Variants in TNFSF10 observed in about 807,000 individuals in gnomAD.
The protein encoded by TNFSF10 is tumor necrosis factor ligand superfamily member 10.
In TNFSF10, 13 loss-of-function variants were observed where a neutral mutation model predicts 29.5. The observed-to-expected ratio is 0.44, with a 90% CI of 0.29 to 0.70. The LOEUF is 0.70. TNFSF10 is among the 30% of genes least tolerant of loss of function. The probability of loss-of-function intolerance (pLI) is 0.13; values close to 1 mark genes in which losing one functional copy is unlikely to be tolerated. For synonymous variants in TNFSF10, 111 were observed against 112.8 expected (o/e 0.98, Z 0.10); for missense variants, 345 against 330.9 (o/e 1.04, Z -0.33).
chr3:172,511,409 ACCATAGATGGG>A (rs1713218773), intron 3 of TNFSF10, 197 bp downstream of exon 3: 2 of 437,698 alleles, frequency 4.6e-6, no homozygotes, highest in Admixed American at 8.4e-5. Flanking sequence ...TAAAGTTCTG[ACCATAGATGGG>A]CCACAGATTT....
chr3:172,521,565 G>A (rs1713699174), intron 1 of TNFSF10, among the ~76,000 whole-genome samples: 1 of 152,206 alleles, frequency 6.6e-6, no homozygotes, highest in African/African-American at 2.4e-5. Flanking sequence ...ATGCTGGAAG[G>A]ATGTGGAGAA....
chr3:172,515,578 C>T (rs978777297), intron 1 of TNFSF10, among the ~76,000 whole-genome samples: 5 of 152,052 alleles, frequency 3.3e-5, no homozygotes, highest in Admixed American at 6.6e-5. Context: ...ACCATGTTGC[C>T]ACTAGAAATC....
At chr3:172,520,544 G>A (rs910659543) in intron 1 of TNFSF10, among the ~76,000 whole-genome samples, 1 of 152,162 alleles carries the variant, frequency 6.6e-6, no homozygotes, top group Non-Finnish European at 1.5e-5. Context: ...AGTGACTTAG[G>A]GCCTGGCTTT....
intron 3 of TNFSF10, 59 bp downstream of exon 3, chr3:172,511,558 T>G: frequency 7.1e-7 from 1 of 1,413,520 alleles, no homozygotes; most frequent in Admixed American, 1.9e-5. Context: ...GGAGAACTAT[T>G]CACAACCTGT....
chr3:172,515,214 C>T (rs1332305862), intron 1 of TNFSF10, among the ~76,000 whole-genome samples: 1 of 151,620 alleles, frequency 6.6e-6, no homozygotes, highest in African/African-American at 2.4e-5. Context: ...GGAAAGGATG[C>T]AGGTGTGCTT....
intron 1 of TNFSF10, among the ~76,000 whole-genome samples, chr3:172,522,796 A>G (rs1713755280): frequency 6.6e-6 from 1 of 152,124 alleles, no homozygotes; most frequent in South Asian, 2.1e-4. Context: ...AATGTGTTTT[A>G]TCTGTGAATA....
At chr3:172,522,295 C>T (rs1278493699) in intron 1 of TNFSF10, 1 of 737,128 alleles carries the variant, frequency 1.4e-6, no homozygotes, top group Non-Finnish European at 2.5e-6. Flanking sequence ...GAACTTCATC[C>T]TGCTGTGTGC....
chr3:172,521,145 A>G (rs974601240), intron 1 of TNFSF10, among the ~76,000 whole-genome samples: 1 of 152,234 alleles, frequency 6.6e-6, no homozygotes, highest in East Asian at 1.9e-4. Flanking sequence ...ATGGGCAAAG[A>G]CTTCATGACT....
rs574352280 is a variant in TNFSF10, at chr3:172,515,381, T to C, written c.133-383A>G. The stretch of plus-strand genomic sequence containing the variant: ...TCTTCCAGTTCTGCCATGGTATGTA[T>C]CCCATTTTGAAGCTGGAAACCTACC... On this transcript the variant is annotated intron_variant, in intron 1 of 4. Transcript: ENST00000241261. Among the ~76,000 whole-genome samples, 25 of 152,282 alleles carry C rather than the reference T, an allele frequency of 1.6e-4. No individual in the cohort carries two copies. In the South Asian group the frequency reaches 4.8e-3, roughly 29 times the overall value.
intron 1 of TNFSF10, among the ~76,000 whole-genome samples, chr3:172,522,997 A>T (rs545818528): frequency 1.3e-5 from 2 of 152,346 alleles, no homozygotes; most frequent in East Asian, 3.9e-4. Context: ...AAAACAAAAA[A>T]TCCCTCAGGA....
chr3:172,516,369 G>T (rs1286342707), intron 1 of TNFSF10, among the ~76,000 whole-genome samples: 3 of 152,052 alleles, frequency 2.0e-5, no homozygotes, highest in African/African-American at 4.8e-5. Flanking sequence ...GTTGAAGGGA[G>T]GATCAAATTG....
At chr3:172,518,149 TCTAA>T (rs1483941677) in intron 1 of TNFSF10, 1 of 1,077,816 alleles carries the variant, frequency 9.3e-7, no homozygotes, top group Non-Finnish European at 1.1e-6. Flanking sequence ...GGCTATATTC[TCTAA>T]CTAACCACAC....
intron 2 of TNFSF10, among the ~76,000 whole-genome samples, chr3:172,513,495 G>T (rs578226923): frequency 1.8e-4 from 28 of 152,318 alleles, no homozygotes; most frequent in African/African-American, 6.7e-4. Flanking sequence ...TGCCGCCAGG[G>T]CAGCCACAGA....
At chr3:172,517,146 G>A (rs1335967408) in intron 1 of TNFSF10, among the ~76,000 whole-genome samples, 1 of 152,354 alleles carries the variant, frequency 6.6e-6, no homozygotes, top group Admixed American at 6.5e-5. Context: ...GGCTTCAGCT[G>A]TGAGAGGCAA....
At chr3:172,518,461 G>A in intron 1 of TNFSF10, 1 of 1,289,114 alleles carries the variant, frequency 7.8e-7, no homozygotes, top group Non-Finnish European at 1.0e-6. Flanking sequence ...ATCATTTTCT[G>A]CAAACTGCAA....
rs767596084 is a variant in TNFSF10 at position 172,506,799 on chromosome 3, C to G, written c.539G>C (p.Gly180Ala). 6.2e-7 allele frequency: 1 copy of G among 1,614,136 alleles called. No homozygotes were observed. Among genetic ancestry groups the G allele is most frequent in the Non-Finnish European group, 8.5e-7 (1 of 1,180,042 alleles). Residue 180 changes from glycine to alanine, a missense_variant, in exon 5 of 5, where the codon GGG becomes GCG. Gly to Ala is a moderately conservative substitution (Grantham distance 60). Transcript: ENST00000241261. ...RNGELVIHEK[G>A]FYYIYSQTYF... ...TGTTTGGGAATAGATGTAGTAAAAC[C>G]CTTTTTCATGGATGACCAGTTCACC...
At chr3:172,516,647 C>T (rs193198085) in intron 1 of TNFSF10, among the ~76,000 whole-genome samples, 190 of 152,154 alleles carry the variant, frequency 1.2e-3, no homozygotes, top group African/African-American at 4.2e-3. Context: ...AAAACATTCC[C>T]GTAGTATATG....
At chr3:172,507,817 T>C (rs939713880) in intron 4 of TNFSF10, among the ~76,000 whole-genome samples, 27 of 152,206 alleles carry the variant, frequency 1.8e-4, no homozygotes, top group Non-Finnish European at 2.8e-4. Context: ...TTAACTGATG[T>C]CTGAAATATT....
intron 4 of TNFSF10, 187 bp downstream of exon 4, chr3:172,509,030 G>A (rs1301238044): frequency 1.8e-5 from 7 of 399,812 alleles, no homozygotes; most frequent in South Asian, 7.7e-5. Context: ...CAGTTATGTC[G>A]TGGCAATAAT....
Sources: allele counts gnomAD v4.1 joint callset (sites outside exome capture counted in the v4.1 genomes callset), GRCh38; gene constraint gnomAD v4.1.1; transcripts MANE v1.5; gene names NCBI Gene and HGNC (gene_info 2026-07-23, HGNC 2026-07-21).